PDE4D: variants seen among roughly 807,000 people sequenced by gnomAD.
PDE4D encodes the protein phosphodiesterase 4D, also known as 3',5'-cyclic-AMP phosphodiesterase 4D.
Under a neutral mutation model 87.4 loss-of-function variants are expected in PDE4D, and 24 were observed. The observed-to-expected ratio is 0.27, with a 90% CI of 0.20 to 0.39. The LOEUF is 0.39. Among genes scored for constraint, PDE4D ranks in the 10% least tolerant of loss-of-function variants. The pLI, the probability that PDE4D is intolerant of heterozygous loss-of-function variation, is 1.00. For missense variants in PDE4D, 714 were observed against 1,041.0 expected, an observed-to-expected ratio of 0.69 and a Z score of 4.32; for synonymous variants, 384 against 383.2, an observed-to-expected ratio of 1.00 and a Z score of -0.02.
At chr5:59,932,342 T>C (rs1299814990) in intron 3 of PDE4D, among the ~76,000 whole-genome samples, 1 of 151,992 alleles carries the variant, frequency 6.6e-6, no homozygotes, top group Admixed American at 6.6e-5. Context: ...GCAGGAGGAG[T>C]CTCTGAGGGA....
At chr5:59,397,503 G>A (rs1164785689) in intron 1 of PDE4D, among the ~76,000 whole-genome samples, 1 of 115,834 alleles carries the variant, frequency 8.6e-6, no homozygotes. Context: ...TGAAATGAAG[G>A]CAGAAATAAA....
chr5:59,795,408 A>G (rs1766349410), intron 1 of PDE4D, among the ~76,000 whole-genome samples: 1 of 152,188 alleles, frequency 6.6e-6, no homozygotes, highest in South Asian at 2.1e-4. Context: ...ATCACGCTGA[A>G]AGAATACCTG....
intron 3 of PDE4D, among the ~76,000 whole-genome samples, chr5:59,949,382 G>A (rs1485205659): frequency 6.9e-6 from 1 of 145,970 alleles, no homozygotes; most frequent in African/African-American, 2.6e-5. Flanking sequence ...GCAGTAAGCC[G>A]AGATCGTGCC....
intron 1 of PDE4D, among the ~76,000 whole-genome samples, chr5:59,838,109 A>G (rs1322468405): frequency 1.3e-5 from 2 of 152,094 alleles, no homozygotes; most frequent in African/African-American, 4.8e-5. Flanking sequence ...AGGATTTTAT[A>G]AATAACTCAG....
At chr5:60,403,360 G>T (rs1039240607) in intron 1 of PDE4D, among the ~76,000 whole-genome samples, 2 of 152,198 alleles carry the variant, frequency 1.3e-5, no homozygotes, top group Admixed American at 1.3e-4. Flanking sequence ...CCAAATCATT[G>T]TACTTAGGCA....
intron 2 of PDE4D, among the ~76,000 whole-genome samples, chr5:60,015,858 T>C (rs2152848288): frequency 6.6e-6 from 1 of 151,698 alleles, no homozygotes. Context: ...CGTTTTGGAC[T>C]CACCAACTTC....
chr5:59,755,307 G>C (rs1446113428), intron 1 of PDE4D, among the ~76,000 whole-genome samples: 1 of 152,042 alleles, frequency 6.6e-6, no homozygotes, highest in African/African-American at 2.4e-5. Context: ...CTTGTTTATT[G>C]TATATTTTTT....
At chr5:59,518,844 AACTTT>A (rs549787930) in intron 1 of PDE4D, among the ~76,000 whole-genome samples, 2 of 152,374 alleles carry the variant, frequency 1.3e-5, no homozygotes, top group South Asian at 4.1e-4. Flanking sequence ...TTAAAGAAGA[AACTTT>A]ATATCACAAC....
chr5:58,977,081 A>T, intron 12 of PDE4D, 110 bp downstream of exon 12: 1 of 956,752 alleles, frequency 1.0e-6, no homozygotes, highest in Admixed American at 2.4e-5. Context: ...AAGGGCCATA[A>T]TATGTTTTGA....
At chr5:59,504,898 GTA>G (rs1162123161) in intron 1 of PDE4D, among the ~76,000 whole-genome samples, 7 of 117,434 alleles carry the variant, frequency 6.0e-5, no homozygotes, top group South Asian at 5.2e-4. Context: ...CTTGGTAGGG[GTA>G]TATGTGTGTG....
chr5:59,302,383 A>T (rs1042579708), intron 1 of PDE4D, among the ~76,000 whole-genome samples: 5 of 151,548 alleles, frequency 3.3e-5, no homozygotes, highest in African/African-American at 7.3e-5. Flanking sequence ...TTTTTATAAA[A>T]TTTTTTTCCA....
intron 1 of PDE4D, among the ~76,000 whole-genome samples, chr5:60,471,906 G>A (rs1747842579): frequency 6.6e-6 from 1 of 152,052 alleles, no homozygotes; most frequent in East Asian, 1.9e-4. Flanking sequence ...TGCCTATGCT[G>A]AGACACTAGC....
chr5:60,513,785 A>C (rs1405369336), intron 1 of PDE4D, among the ~76,000 whole-genome samples: 2 of 151,948 alleles, frequency 1.3e-5, no homozygotes, highest in African/African-American at 4.8e-5. Context: ...AATAAAAGTG[A>C]AAATCCTACA....
chr5:59,878,368 C>G (rs927621627), intron 1 of PDE4D, among the ~76,000 whole-genome samples: 2 of 152,152 alleles, frequency 1.3e-5, no homozygotes, highest in African/African-American at 4.8e-5. Flanking sequence ...TTCAAACTTT[C>G]CCCCACTCAA....
At chr5:60,318,093 A>G (rs1447400911) in intron 1 of PDE4D, among the ~76,000 whole-genome samples, 2 of 152,156 alleles carry the variant, frequency 1.3e-5, no homozygotes, top group Non-Finnish European at 2.9e-5. Context: ...GGGGTGTTAA[A>G]GTCTCCCATT....
chr5:60,036,797 G>A (rs148140420), intron 2 of PDE4D, among the ~76,000 whole-genome samples: 20 of 152,186 alleles, frequency 1.3e-4, no homozygotes, highest in Admixed American at 1.2e-3. Context: ...ATTAAATTCT[G>A]CAAATAAACT....
chr5:59,920,893 C>T (rs2963813), intron 3 of PDE4D, among the ~76,000 whole-genome samples: 2,028 of 151,366 alleles, frequency 0.013, 42 homozygotes, highest in East Asian at 0.074. Flanking sequence ...GGAGGGAAAG[C>T]ATTAGGAGAT....
At chr5:59,877,503 A>T (rs1274259494) in intron 1 of PDE4D, among the ~76,000 whole-genome samples, 1 of 149,156 alleles carries the variant, frequency 6.7e-6, no homozygotes, top group Non-Finnish European at 1.5e-5. Context: ...AAAAAAAAGA[A>T]GAAGAACAAA....
intron 1 of PDE4D, among the ~76,000 whole-genome samples, chr5:59,593,165 A>C (rs1380270761): frequency 1.3e-5 from 2 of 152,082 alleles, no homozygotes; most frequent in Non-Finnish European, 2.9e-5. Flanking sequence ...ATTACATTTC[A>C]TTTATATCTT....
Sources: allele counts gnomAD v4.1 joint callset (sites outside exome capture counted in the v4.1 genomes callset), GRCh38; gene constraint gnomAD v4.1.1; transcripts MANE v1.5; gene names NCBI Gene and HGNC (gene_info 2026-07-23, HGNC 2026-07-21).